The following NEK1 variants were observed in gnomAD, a reference collection of about 807,000 sequenced individuals.
NEK1 encodes NIMA related kinase 1.
A neutral mutation model predicts 182.1 loss-of-function variants in NEK1; 137 were observed. The ratio of observed to expected loss-of-function variants is 0.75; its 90% confidence interval spans 0.65 to 0.87. NEK1 has a LOEUF of 0.87. NEK1 is among the 40% of genes least tolerant of loss of function. The pLI, the probability that NEK1 is intolerant of heterozygous loss-of-function variation, is 0.00. For synonymous variants in NEK1, 513 were observed against 492.2 expected, an observed-to-expected ratio of 1.04 and a Z score of -0.56; for missense variants, 1,391 against 1,494.4, an observed-to-expected ratio of 0.93 and a Z score of 1.14.
chr4:169,523,914 T>C (rs1756490141), intron 19 of NEK1, among the ~76,000 whole-genome samples: 1 of 152,188 alleles, frequency 6.6e-6, no homozygotes, highest in African/African-American at 2.4e-5. Flanking sequence ...GTAAGGTAGG[T>C]TTTCCATTAG....
At position 169,513,538 on chromosome 4, in the gene NEK1, C is replaced by T. The variant is rs541057014; in HGVS notation, c.1666-4686G>A. On this transcript the variant is annotated intron_variant, in intron 19 of 35. Transcript: ENST00000507142. ...ACTTGAAATAGCAACAACTTTATTTCATCTTTTCAATTCTGTATGCCCCTT... is the reference window on the plus strand; with the variant it reads ...ACTTGAAATAGCAACAACTTTATTTTATCTTTTCAATTCTGTATGCCCCTT... 5.3e-5 allele frequency among the ~76,000 whole-genome samples: 8 copies of T among 152,236 alleles called. No homozygotes were observed. In the South Asian group the frequency reaches 1.5e-3, roughly 28 times the overall value.
intron 31 of NEK1, among the ~76,000 whole-genome samples, chr4:169,419,569 A>G (rs975289991): frequency 2.0e-5 from 3 of 152,246 alleles, no homozygotes; most frequent in Non-Finnish European, 4.4e-5. Context: ...AACGTGGTAG[A>G]AAAAATACCC....
intron 18 of NEK1, among the ~76,000 whole-genome samples, chr4:169,549,396 C>T (rs578233743): frequency 6.6e-6 from 1 of 152,186 alleles, no homozygotes; most frequent in Non-Finnish European, 1.5e-5. Flanking sequence ...CAGAGCTGTT[C>T]CTATTCGGCC....
intron 28 of NEK1, among the ~76,000 whole-genome samples, chr4:169,437,202 C>T (rs1189170675): frequency 7.9e-6 from 1 of 126,604 alleles, no homozygotes; most frequent in Admixed American, 9.0e-5. Context: ...GTATTTTGCA[C>T]ATATGGAAAA....
At chr4:169,464,527 G>C (rs1352918266) in intron 26 of NEK1, among the ~76,000 whole-genome samples, 1 of 152,016 alleles carries the variant, frequency 6.6e-6, no homozygotes, top group Non-Finnish European at 1.5e-5. Flanking sequence ...CATCACATGG[G>C]GTCAGATGTG....
At chr4:169,566,625 T>C (rs1763724375) in intron 12 of NEK1, among the ~76,000 whole-genome samples, 3 of 152,316 alleles carry the variant, frequency 2.0e-5, no homozygotes, top group South Asian at 4.1e-4. Context: ...GGTTGAATAA[T>C]AACAACTTAA....
At chr4:169,441,269 A>C (rs970879335) in intron 27 of NEK1, among the ~76,000 whole-genome samples, 1 of 152,180 alleles carries the variant, frequency 6.6e-6, no homozygotes, top group Non-Finnish European at 1.5e-5. Flanking sequence ...CACCTTCAGG[A>C]GCAAGGAGAT....
At chr4:169,482,098 C>T (rs1435487955) in intron 23 of NEK1, among the ~76,000 whole-genome samples, 1 of 152,194 alleles carries the variant, frequency 6.6e-6, no homozygotes, top group East Asian at 1.9e-4. Flanking sequence ...ACCTTATGAA[C>T]CAATCTCTGC....
intron 30 of NEK1, 56 bp from the exon 31 acceptor site, chr4:169,424,856 A>G (rs1736101414): frequency 6.7e-7 from 1 of 1,481,970 alleles, no homozygotes; most frequent in Admixed American, 2.1e-5. Flanking sequence ...AAAGTTCTAA[A>G]TGATATTGAT....
intron 5 of NEK1, 139 bp from the exon 6 acceptor site, chr4:169,590,948 A>G: frequency 1.6e-6 from 1 of 613,550 alleles, no homozygotes. Context: ...CACTGACATT[A>G]AATAGATATT....
chr4:169,576,056 C>G (rs1455147482), intron 12 of NEK1, among the ~76,000 whole-genome samples: 1 of 151,912 alleles, frequency 6.6e-6, no homozygotes, highest in African/African-American at 2.4e-5. Context: ...CCTCCGCCTC[C>G]CCGGTTCAAG....
intron 19 of NEK1, among the ~76,000 whole-genome samples, chr4:169,530,306 T>C (rs549797492): frequency 1.3e-5 from 2 of 152,340 alleles, no homozygotes; most frequent in African/African-American, 2.4e-5. Flanking sequence ...CCACTTATGA[T>C]AGTTTGACTT....
At chr4:169,459,520 C>T (rs1415388582) in intron 27 of NEK1, among the ~76,000 whole-genome samples, 1 of 152,136 alleles carries the variant, frequency 6.6e-6, no homozygotes, top group Non-Finnish European at 1.5e-5. Context: ...CAACTGTATT[C>T]CTCTGTATTC....
intron 34 of NEK1, 77 bp downstream of exon 34, chr4:169,400,444 A>T (rs1042985409): frequency 1.4e-6 from 2 of 1,472,908 alleles, no homozygotes; most frequent in Admixed American, 2.4e-5. Flanking sequence ...AAATCTAATG[A>T]CCAATACAGA....
intron 23 of NEK1, among the ~76,000 whole-genome samples, chr4:169,480,778 T>C (rs1260641436): frequency 6.6e-6 from 1 of 152,208 alleles, no homozygotes; most frequent in Non-Finnish European, 1.5e-5. Context: ...TGAGGTCCAC[T>C]ATATTGCCTA....
intron 19 of NEK1, among the ~76,000 whole-genome samples, chr4:169,532,467 A>C (rs1332412239): frequency 6.6e-6 from 1 of 152,156 alleles, no homozygotes; most frequent in Non-Finnish European, 1.5e-5. Context: ...TAAACTATGG[A>C]CTTTGAGTGA....
intron 31 of NEK1, among the ~76,000 whole-genome samples, chr4:169,416,534 T>C (rs757711819): frequency 3.3e-5 from 5 of 152,266 alleles, no homozygotes; most frequent in Non-Finnish European, 5.9e-5. Flanking sequence ...TTTGGTGTAC[T>C]GGTTAACAAT....
intron 19 of NEK1, among the ~76,000 whole-genome samples, chr4:169,533,639 T>A (rs577500180): frequency 1.3e-5 from 2 of 152,172 alleles, no homozygotes; most frequent in Non-Finnish European, 2.9e-5. Flanking sequence ...AGGAAACTCA[T>A]TAGATGAGCT....
Position 169,545,957 on chromosome 4 carries a change from G to A in NEK1, c.1563-8046C>T, listed in dbSNP as rs530691349. 5.3e-5 allele frequency among the ~76,000 whole-genome samples: 8 copies of A among 152,252 alleles called. No individual in the cohort carries two copies. In the East Asian group the frequency reaches 1.2e-3, roughly 22 times the overall value. ...AAATGGAAGAACATTCCATGCTCAC[G>A]GGTAGGAAGAATCAATATCGTGAAA... On this transcript the variant is annotated intron_variant, in intron 18 of 35. Transcript: ENST00000507142.
Sources: allele counts gnomAD v4.1 joint callset (sites outside exome capture counted in the v4.1 genomes callset), GRCh38; gene constraint gnomAD v4.1.1; transcripts MANE v1.5; gene names NCBI Gene and HGNC (gene_info 2026-07-23, HGNC 2026-07-21).